The following PTPRD variants were observed in gnomAD, a reference collection of about 807,000 sequenced individuals.
PTPRD encodes protein tyrosine phosphatase receptor type D.
Under a neutral mutation model 214.5 loss-of-function variants are expected in PTPRD, and 34 were observed. The observed-to-expected ratio is 0.16, with a 90% CI of 0.12 to 0.21. The LOEUF (loss-of-function observed/expected upper bound fraction) is 0.21. Ranked by LOEUF, PTPRD falls within the 10% of genes least tolerant of loss-of-function variation. The probability of loss-of-function intolerance (pLI) is 1.00; values close to 1 mark genes in which losing one functional copy is unlikely to be tolerated. For missense variants in PTPRD, 2,545 were observed against 2,398.7 expected, an observed-to-expected ratio of 1.06 and a Z score of -1.27; for synonymous variants, 1,128 against 845.7, an observed-to-expected ratio of 1.33 and a Z score of -5.79.
At chr9:9,622,499 A>T (rs1341496667) in intron 7 of PTPRD, among the ~76,000 whole-genome samples, 1 of 152,190 alleles carries the variant, frequency 6.6e-6, no homozygotes, top group Non-Finnish European at 1.5e-5. Flanking sequence ...AAGAAAAAAG[A>T]TTTACTAAAA....
intron 37 of PTPRD, among the ~76,000 whole-genome samples, chr9:8,388,560 C>T (rs928440098): frequency 1.3e-5 from 2 of 152,054 alleles, no homozygotes; most frequent in African/African-American, 4.8e-5. Flanking sequence ...TCCTTCAAAC[C>T]AACAGCATTT....
At chr9:9,768,466 G>A (rs182105179) in intron 5 of PTPRD, among the ~76,000 whole-genome samples, 2 of 152,046 alleles carry the variant, frequency 1.3e-5, no homozygotes, top group Non-Finnish European at 2.9e-5. Flanking sequence ...CTTAGCTTAT[G>A]TTTCATTTCT....
chr9:9,930,609 A>T (rs966691651), intron 5 of PTPRD, among the ~76,000 whole-genome samples: 3 of 152,168 alleles, frequency 2.0e-5, no homozygotes, highest in Admixed American at 2.0e-4. Context: ...TATATAATGT[A>T]ATTTTTATTA....
intron 3 of PTPRD, among the ~76,000 whole-genome samples, chr9:10,039,833 T>C (rs191811000): frequency 1.4e-4 from 22 of 152,150 alleles, no homozygotes; most frequent in African/African-American, 2.4e-5. Flanking sequence ...AATTTAAAGA[T>C]GAAAACAATC....
intron 3 of PTPRD, among the ~76,000 whole-genome samples, chr9:10,216,888 G>C (rs2099543929): frequency 6.6e-6 from 1 of 151,874 alleles, no homozygotes. Flanking sequence ...TTCAATTTCT[G>C]TCTTCCATGG....
chr9:9,597,483 T>C (rs1428263367), intron 7 of PTPRD, among the ~76,000 whole-genome samples: 4 of 151,970 alleles, frequency 2.6e-5, no homozygotes, highest in East Asian at 1.9e-4. Flanking sequence ...TTTTAGAAAA[T>C]ATCCCTTGAA....
At chr9:9,387,410 G>A (rs1022634127) in intron 9 of PTPRD, among the ~76,000 whole-genome samples, 2 of 152,030 alleles carry the variant, frequency 1.3e-5, no homozygotes, top group African/African-American at 2.4e-5. Context: ...TTAAAATAAA[G>A]TTATTGAGGA....
At chr9:9,421,988 G>GAA (rs535711344) in intron 8 of PTPRD, among the ~76,000 whole-genome samples, 2 of 143,846 alleles carry the variant, frequency 1.4e-5, no homozygotes, top group Non-Finnish European at 3.1e-5. Context: ...CACCAGTATT[G>GAA]AAAAAAAAAA....
chr9:9,696,948 G>C (rs527353401), intron 7 of PTPRD, among the ~76,000 whole-genome samples: 1 of 152,074 alleles, frequency 6.6e-6, no homozygotes, highest in African/African-American at 2.4e-5. Flanking sequence ...TTCATATTTA[G>C]TGTATTCATT....
chr9:9,842,127 C>T (rs1407480143), intron 5 of PTPRD, among the ~76,000 whole-genome samples: 1 of 151,832 alleles, frequency 6.6e-6, no homozygotes, highest in Admixed American at 6.6e-5. Context: ...TATTTTAAAT[C>T]ATGAGTGAAA....
intron 3 of PTPRD, among the ~76,000 whole-genome samples, chr9:10,178,725 G>A (rs1054011461): frequency 2.6e-5 from 4 of 152,010 alleles, no homozygotes; most frequent in Admixed American, 6.6e-5. Flanking sequence ...ATATAATATT[G>A]TGTTGTGAGG....
intron 10 of PTPRD, among the ~76,000 whole-genome samples, chr9:9,160,656 A>C (rs2154493764): frequency 6.6e-6 from 1 of 152,296 alleles, no homozygotes; most frequent in African/African-American, 2.4e-5. Flanking sequence ...GAACTACCAT[A>C]TGATTCAGCA....
intron 2 of PTPRD, among the ~76,000 whole-genome samples, chr9:10,592,847 C>T (rs143300427): frequency 3.9e-5 from 6 of 151,996 alleles, no homozygotes; most frequent in Non-Finnish European, 5.9e-5. Flanking sequence ...AGGACAGAAA[C>T]GGAACATGGG....
intron 3 of PTPRD, among the ~76,000 whole-genome samples, chr9:10,192,028 T>C (rs1374349391): frequency 6.6e-6 from 1 of 152,164 alleles, no homozygotes; most frequent in East Asian, 1.9e-4. Flanking sequence ...AAATGAATAC[T>C]TGAAGAAAGA....
Position 8,994,276 on chromosome 9 carries a change from G to T in PTPRD, c.-104+24421C>A, listed in dbSNP as rs563972686. ...CTACCAAATAGGGATGCACTTGAAA[G>T]GAATGACATGGTCAGCTTCTCATAC... On this transcript the variant is annotated intron_variant, in intron 11 of 45. Transcript: ENST00000381196. Among the ~76,000 whole-genome samples the T allele has an allele frequency of 2.6e-5, 4 of 152,182 alleles. No individual in the cohort carries two copies. In the South Asian group the frequency reaches 8.3e-4, roughly 32 times the overall value.
intron 5 of PTPRD, chr9:9,803,577 A>C (rs746125869): frequency 1.5e-4 from 23 of 152,138 alleles, no homozygotes; most frequent in Admixed American, 7.9e-4. Context: ...TACTGTTTTA[A>C]TAAGGCATCT....
chr9:9,759,619 G>A lies in PTPRD; in HGVS notation c.-326+7191C>T, dbSNP rs575293007. ...GTCACCCAGGCTGAAGTGTAGTGAC[G>A]CGATCTCAGCTCACTGCAACCTCTA... On this transcript the variant is annotated intron_variant, in intron 6 of 45. Coordinates refer to ENST00000381196, the MANE Select transcript of PTPRD (RefSeq NM_002839.4). Among the ~76,000 whole-genome samples the A allele has an allele frequency of 2.8e-3, 388 of 140,318 alleles. 3 individuals carry two copies. The highest frequency in any genetic ancestry group is 0.01 in the African/African-American group (363 of 36,250). 92.1% of individuals were successfully genotyped at this position (140,318 alleles called of 152,430 possible).
chr9:9,145,754 G>C (rs904346855), intron 10 of PTPRD, among the ~76,000 whole-genome samples: 1 of 152,280 alleles, frequency 6.6e-6, no homozygotes, highest in East Asian at 1.9e-4. Context: ...CTGGATCTTG[G>C]TCAGAGATTG....
At chr9:9,103,634 G>C (rs952483127) in intron 10 of PTPRD, among the ~76,000 whole-genome samples, 3 of 151,964 alleles carry the variant, frequency 2.0e-5, no homozygotes, top group Non-Finnish European at 4.4e-5. Flanking sequence ...AAATCAAAGA[G>C]GTGACAATGA....
Sources: gnomAD v4.1 joint callset for allele counts (sites outside exome capture counted in the v4.1 genomes callset) on GRCh38, gnomAD v4.1.1 for gene constraint, MANE v1.5 for transcripts, NCBI Gene and HGNC (gene_info 2026-07-23, HGNC 2026-07-21) for gene names.